The following GAREM1 variants were observed in gnomAD, a reference collection of about 807,000 sequenced individuals.
The protein encoded by GAREM1 is GRB2 associated regulator of MAPK1 subtype 1, also known as GRB2-associated and regulator of MAPK protein 1.
GAREM1 carries 26 observed loss-of-function variants against 71.3 expected under a neutral mutation model. That is an observed-to-expected ratio of 0.36 (90% confidence interval 0.27 to 0.51). The LOEUF (loss-of-function observed/expected upper bound fraction) is 0.51, where lower values mean the gene tolerates loss of function less well. Ranked by LOEUF, GAREM1 falls within the 20% of genes least tolerant of loss-of-function variation. The pLI is 0.95. For missense variants in GAREM1, 1,026 were observed against 1,103.1 expected (o/e 0.93, Z 0.99); for synonymous variants, 440 against 433.2 (o/e 1.02, Z -0.20).
chr18:32,335,944 G>T (rs1241478876), intron 2 of GAREM1, among the ~76,000 whole-genome samples: 1 of 152,176 alleles, frequency 6.6e-6, no homozygotes, highest in African/African-American at 2.4e-5. Context: ...TGGGAGCAAC[G>T]GAGTGCACTG....
intron 5 of GAREM1, 37 bp from the exon 6 acceptor site, chr18:32,268,805 GA>G: frequency 1.3e-6 from 2 of 1,564,718 alleles, no homozygotes; most frequent in Non-Finnish European, 1.7e-6. Flanking sequence ...TCAGTTAAAA[GA>G]AAAAAGCCAA....
chr18:32,397,957 G>C (rs1011314025), intron 1 of GAREM1, among the ~76,000 whole-genome samples: 2 of 151,988 alleles, frequency 1.3e-5, no homozygotes, highest in African/African-American at 4.8e-5. Flanking sequence ...AAATTATAAC[G>C]AACTGTCTCT....
intron 1 of GAREM1, among the ~76,000 whole-genome samples, chr18:32,445,794 T>C (rs144948148): frequency 2.6e-5 from 4 of 152,266 alleles, no homozygotes; most frequent in East Asian, 3.9e-4. Flanking sequence ...CATAAATAGC[T>C]GATTTGCACA....
At chr18:32,422,225 T>A (rs1359627669) in intron 1 of GAREM1, among the ~76,000 whole-genome samples, 1 of 151,786 alleles carries the variant, frequency 6.6e-6, no homozygotes, top group Non-Finnish European at 1.5e-5. Context: ...CGCCTATGAG[T>A]GAGAACATGC....
chr18:32,332,430 C>T (rs2047546536), intron 2 of GAREM1, among the ~76,000 whole-genome samples: 1 of 151,886 alleles, frequency 6.6e-6, no homozygotes, highest in African/African-American at 2.4e-5. Flanking sequence ...ACCAGTTTTG[C>T]AGCTAAGATT....
intron 2 of GAREM1, among the ~76,000 whole-genome samples, chr18:32,331,973 T>C (rs2047539378): frequency 6.6e-6 from 1 of 150,758 alleles, no homozygotes; most frequent in Non-Finnish European, 1.5e-5. Context: ...GTCTTTTCCC[T>C]CCTCCCTTGT....
intron 3 of GAREM1, among the ~76,000 whole-genome samples, chr18:32,302,095 G>T (rs2047207283): frequency 6.6e-6 from 1 of 152,192 alleles, no homozygotes; most frequent in South Asian, 2.1e-4. Context: ...AGTACATTCT[G>T]ATCACAATCT....
rs2041383245 is a variant in GAREM1, at chr18:32,267,056, A to G, written c.*815T>C. On this transcript the variant is annotated 3_prime_UTR_variant, in exon 6 of 6. Coordinates refer to ENST00000269209, the MANE Select transcript of GAREM1 (RefSeq NM_001242409.2). ...TGGAGTCATTCTGTCCACTATTCCT[A>G]AGAGAATCAATGTAGATAACAGTCC... The G allele has an allele frequency of 1.3e-5, 2 of 152,216 alleles. No individual in the cohort carries two copies. The highest frequency in any genetic ancestry group is 1.3e-4 in the Admixed American group (2 of 15,276). 9.4% of individuals were successfully genotyped at this position (152,216 alleles called of 1,614,324 possible).
rs9510 is a variant in GAREM1, at chr18:32,263,808, T to G, written c.*4063A>C. On this transcript the variant is annotated 3_prime_UTR_variant, in exon 6 of 6. Transcript: ENST00000269209. ...TTTCAATTTTTAGGCTTAGCTTAAA[T>G]ATTTTAAATGAAACAATATGAGAGT... 6.6e-6 allele frequency: 1 copy of G among 151,986 alleles called. No individual in the cohort carries two copies. The highest frequency in any genetic ancestry group is 1.5e-5 in the Non-Finnish European group (1 of 68,012). The allele number at this position is 151,986 out of a possible 1,614,324, so 9.4% of individuals were successfully genotyped here.
chr18:32,440,137 G>T (rs1468028590), intron 1 of GAREM1, among the ~76,000 whole-genome samples: 1 of 152,150 alleles, frequency 6.6e-6, no homozygotes, highest in East Asian at 1.9e-4. Context: ...AACATAAATA[G>T]CACTTACCAG....
At chr18:32,349,437 A>C (rs900438593) in intron 2 of GAREM1, among the ~76,000 whole-genome samples, 1 of 152,216 alleles carries the variant, frequency 6.6e-6, no homozygotes, top group South Asian at 2.1e-4. Flanking sequence ...AATGATGTAT[A>C]TCATAGTGGT....
intron 1 of GAREM1, among the ~76,000 whole-genome samples, chr18:32,436,686 A>C (rs1484174582): frequency 6.6e-6 from 1 of 152,198 alleles, no homozygotes; most frequent in East Asian, 1.9e-4. Context: ...TTATTTTTAA[A>C]TTAAAGGTAG....
intron 4 of GAREM1, among the ~76,000 whole-genome samples, chr18:32,271,181 A>C (rs2041457216): frequency 6.6e-6 from 1 of 151,468 alleles, no homozygotes. Flanking sequence ...GCTACTTTTT[A>C]ATTTTTTTAA....
At chr18:32,316,612 T>C (rs983913551) in intron 2 of GAREM1, among the ~76,000 whole-genome samples, 8 of 151,946 alleles carry the variant, frequency 5.3e-5, no homozygotes, top group Non-Finnish European at 1.0e-4. Context: ...ACCCAGCTAA[T>C]TGTTGTATTT....
At chr18:32,419,043 A>C (rs958097565) in intron 1 of GAREM1, among the ~76,000 whole-genome samples, 2 of 152,138 alleles carry the variant, frequency 1.3e-5, no homozygotes, top group Non-Finnish European at 2.9e-5. Context: ...TTCTTGTTGG[A>C]AGAATTCAGT....
intron 4 of GAREM1, among the ~76,000 whole-genome samples, chr18:32,276,194 A>C (rs534610120): frequency 1.3e-5 from 2 of 152,366 alleles, no homozygotes; most frequent in African/African-American, 4.8e-5. Context: ...CTAGAAAGGC[A>C]TATTCAGACA....
chr18:32,276,672 T>C (rs2041546885), intron 4 of GAREM1, among the ~76,000 whole-genome samples: 3 of 152,174 alleles, frequency 2.0e-5, no homozygotes, highest in Non-Finnish European at 4.4e-5. Flanking sequence ...AATGATGATC[T>C]GGTCTGTGGG....
At chr18:32,332,467 G>A (rs777449540) in intron 2 of GAREM1, among the ~76,000 whole-genome samples, 13 of 152,076 alleles carry the variant, frequency 8.5e-5, no homozygotes, top group African/African-American at 2.2e-4. Context: ...TAAGTGCTAC[G>A]GAAGGGTGGC....
At chr18:32,345,070 C>A (rs2047681580) in intron 2 of GAREM1, among the ~76,000 whole-genome samples, 1 of 152,006 alleles carries the variant, frequency 6.6e-6, no homozygotes, top group East Asian at 1.9e-4. Context: ...TCGAAAAAAA[C>A]AAAAACAAAA....
Sources: gnomAD v4.1 joint callset for allele counts (sites outside exome capture counted in the v4.1 genomes callset) on GRCh38, gnomAD v4.1.1 for gene constraint, MANE v1.5 for transcripts, NCBI Gene and HGNC (gene_info 2026-07-23, HGNC 2026-07-21) for gene names.